TMEM116: variants seen among roughly 807,000 people sequenced by gnomAD.
TMEM116 encodes transmembrane protein 116.
TMEM116 carries 38 observed loss-of-function variants against 44.3 expected under a neutral mutation model. That is an observed-to-expected ratio of 0.86 (90% CI 0.66 to 1.12). The LOEUF is 1.12. Ranked by LOEUF, TMEM116 falls within the 50% of genes most tolerant of loss-of-function variation. The probability of loss-of-function intolerance (pLI) is 0.00; values close to 1 mark genes in which losing one functional copy is unlikely to be tolerated. For synonymous variants in TMEM116, 132 were observed against 144.8 expected, an observed-to-expected ratio of 0.91 and a Z score of 0.64; for missense variants, 354 against 401.7, an observed-to-expected ratio of 0.88 and a Z score of 1.01.
At chr12:111,956,859 C>T (rs2074136804) in intron 4 of TMEM116, among the ~76,000 whole-genome samples, 1 of 152,184 alleles carries the variant, frequency 6.6e-6, no homozygotes. Flanking sequence ...TCTCGGATCG[C>T]TACAACCTCC....
chr12:111,961,351 A>C (rs1479249819), intron 4 of TMEM116, among the ~76,000 whole-genome samples: 1 of 152,186 alleles, frequency 6.6e-6, no homozygotes, highest in African/African-American at 2.4e-5. Context: ...TGATACCAAA[A>C]ACCTGGCAGA....
chr12:111,973,910 G>A (rs183584639), intron 4 of TMEM116, among the ~76,000 whole-genome samples: 15 of 151,912 alleles, frequency 9.9e-5, no homozygotes, highest in Admixed American at 8.5e-4. Flanking sequence ...GCGAGACTTT[G>A]TCAAAAAAAC....
chr12:111,947,650 A>G (rs2073389991), intron 4 of TMEM116, among the ~76,000 whole-genome samples: 1 of 152,246 alleles, frequency 6.6e-6, no homozygotes, highest in East Asian at 1.9e-4. Context: ...ACCAGATTTT[A>G]CATGGTTATT....
intron 4 of TMEM116, among the ~76,000 whole-genome samples, chr12:111,962,751 A>T (rs1473583839): frequency 6.6e-6 from 1 of 152,230 alleles, no homozygotes; most frequent in Non-Finnish European, 1.5e-5. Flanking sequence ...GGACATAGGC[A>T]TGGGCAAAGA....
intron 4 of TMEM116, among the ~76,000 whole-genome samples, chr12:111,971,548 A>C (rs1284362284): frequency 2.0e-5 from 3 of 152,140 alleles, no homozygotes; most frequent in Non-Finnish European, 4.4e-5. Context: ...CAAAAAAGAC[A>C]ATATGTAATA....
intron 6 of TMEM116, 69 bp from the exon 7 acceptor site, chr12:111,937,312 T>C (rs948280411): frequency 2.2e-5 from 26 of 1,182,462 alleles, no homozygotes; most frequent in Non-Finnish European, 3.2e-5. Context: ...TGAAGAATAT[T>C]CTCCTGCTCT....
intron 1 of TMEM116, among the ~76,000 whole-genome samples, chr12:112,008,692 C>T (rs770235766): frequency 6.6e-6 from 1 of 152,146 alleles, no homozygotes; most frequent in Non-Finnish European, 1.5e-5. Flanking sequence ...ATTTCTAAGG[C>T]CAGGCACGGT....
intron 4 of TMEM116, among the ~76,000 whole-genome samples, chr12:111,944,760 A>G (rs527739062): frequency 1.3e-5 from 2 of 152,184 alleles, no homozygotes; most frequent in Non-Finnish European, 2.9e-5. Flanking sequence ...AGTAGGTGGG[A>G]CAATCCCTAA....
chr12:111,998,662 T>C (rs1157974394), intron 3 of TMEM116, among the ~76,000 whole-genome samples: 1 of 151,960 alleles, frequency 6.6e-6, no homozygotes, highest in African/African-American at 2.4e-5. Flanking sequence ...CTACTAAAAA[T>C]ACAAAAAAAT....
chr12:111,937,503 G>A (rs1451907532), intron 6 of TMEM116, among the ~76,000 whole-genome samples: 2 of 152,120 alleles, frequency 1.3e-5, no homozygotes, highest in African/African-American at 4.8e-5. Flanking sequence ...AGAATCTCTG[G>A]TAGCTGTATG....
At chr12:111,992,533 T>C (rs1337731236) in intron 3 of TMEM116, among the ~76,000 whole-genome samples, 1 of 152,138 alleles carries the variant, frequency 6.6e-6, no homozygotes, top group African/African-American at 2.4e-5. Flanking sequence ...CCTCCCAAAG[T>C]GCTGGGATCA....
At chr12:111,981,454 T>C (rs2075934280) in intron 4 of TMEM116, among the ~76,000 whole-genome samples, 1 of 152,208 alleles carries the variant, frequency 6.6e-6, no homozygotes, top group South Asian at 2.1e-4. Flanking sequence ...CAGGGATCAA[T>C]ATGGACCTTA....
At position 112,003,862 on chromosome 12, in the gene TMEM116, C is replaced by T. The variant is rs1282671189; in HGVS notation, c.16G>A (p.Val6Ile). The change falls in exon 3 of 11, where the codon GTT becomes ATT. Residue 6 changes from valine to isoleucine, a missense_variant and splice_region_variant. Transcript: ENST00000552374. Reference sequence around the variant, plus strand: ...GCAATAAGTGAACTTGAACCTATAACACTGAGAAATTTAGAAGATGATTGA... The same window carrying T: ...GCAATAAGTGAACTTGAACCTATAATACTGAGAAATTTAGAAGATGATTGA... The part of the protein sequence containing the change: MATLS[V>I]IGSSSLIAYA... 1.3e-6 allele frequency: 2 copies of T among 1,500,788 alleles called. No individual in the cohort carries two copies. Among genetic ancestry groups the T allele is most frequent in the Non-Finnish European group, 1.8e-6 (2 of 1,135,270 alleles). The allele number at this position is 1,500,788 out of a possible 1,614,324, so 93.0% of individuals were successfully genotyped here.
chr12:111,999,335 C>T (rs1174191299), intron 3 of TMEM116, among the ~76,000 whole-genome samples: 4 of 152,098 alleles, frequency 2.6e-5, no homozygotes, highest in Non-Finnish European at 1.5e-5. Context: ...CGGTGACTCA[C>T]GCCTGTAATC....
intron 4 of TMEM116, among the ~76,000 whole-genome samples, chr12:111,972,831 G>A (rs979618992): frequency 4.6e-5 from 7 of 151,942 alleles, no homozygotes; most frequent in East Asian, 3.9e-4. Flanking sequence ...AGCTGAGATC[G>A]CTCCATTGCA....
Position 111,934,033 on chromosome 12 carries a change from A to C in TMEM116, c.589-3T>G, listed in dbSNP as rs777439017. 8.1e-6 allele frequency: 13 copies of C among 1,613,946 alleles called. No individual in the cohort carries two copies. In the South Asian group the frequency reaches 1.4e-4, roughly 18 times the overall value. Reference sequence around the variant, plus strand: ...GTCTGGGCTCGGATAAGTAAGACCTAAATATGAGTACAGCAGTGAGCAGTT... The same window carrying C: ...GTCTGGGCTCGGATAAGTAAGACCTCAATATGAGTACAGCAGTGAGCAGTT... On this transcript the variant is annotated splice_region_variant and splice_polypyrimidine_tract_variant and intron_variant, in intron 8 of 10. Coordinates refer to ENST00000552374, the MANE Select transcript of TMEM116 (RefSeq NM_001193531.2).
rs561825916 is a variant in TMEM116, at chr12:111,949,268, T to TA, written c.211-5900dup. Reference sequence around the variant, plus strand: ...TCTCCCTACTTGATCCCTTCAAAACTAAAAAACTACCCATAAGTATTCTTA... The same window carrying TA: ...TCTCCCTACTTGATCCCTTCAAAACTAAAAAAACTACCCATAAGTATTCTTA... On this transcript the variant is annotated intron_variant, in intron 4 of 10. Coordinates refer to ENST00000552374, the MANE Select transcript of TMEM116 (RefSeq NM_001193531.2). 2.8e-3 allele frequency among the ~76,000 whole-genome samples: 425 copies of TA among 152,328 alleles called. 3 individuals carry two copies. The highest frequency in any genetic ancestry group is 4.5e-3 in the Non-Finnish European group (303 of 68,022).
chr12:111,962,762 C>A (rs1159961128), intron 4 of TMEM116, among the ~76,000 whole-genome samples: 9 of 152,106 alleles, frequency 5.9e-5, no homozygotes, highest in African/African-American at 2.2e-4. Context: ...TGGGCAAAGA[C>A]ATCATGACTA....
chr12:111,964,864 A>AT (rs111711488), intron 4 of TMEM116, among the ~76,000 whole-genome samples: 29,664 of 151,734 alleles, frequency 0.2, 3,088 homozygotes, highest in Middle Eastern at 0.27. Context: ...ATTTAAAAAA[A>AT]ATTTTTTTGT....
Sources: gnomAD v4.1 joint callset for allele counts (sites outside exome capture counted in the v4.1 genomes callset) on GRCh38, gnomAD v4.1.1 for gene constraint, MANE v1.5 for transcripts, NCBI Gene and HGNC (gene_info 2026-07-23, HGNC 2026-07-21) for gene names.